The following MANF variants were observed in gnomAD, a reference collection of about 807,000 sequenced individuals.
MANF encodes mesencephalic astrocyte derived neurotrophic factor.
A neutral mutation model predicts 19.1 loss-of-function variants in MANF; 9 were observed. The observed-to-expected ratio is 0.47, with a 90% CI of 0.28 to 0.82. MANF has a LOEUF of 0.82. Ranked by LOEUF, MANF falls within the 40% of genes least tolerant of loss-of-function variation. MANF has a pLI of 0.10. For synonymous variants in MANF, 89 were observed against 88.0 expected (o/e 1.01, Z -0.06); for missense variants, 225 against 226.7 (o/e 0.99, Z 0.05).
intron 2 of MANF, chr3:51,386,979 A>C (rs2088968397): frequency 2.2e-6 from 1 of 456,590 alleles, no homozygotes. Flanking sequence ...TTAAGAGTCC[A>C]GGGTTTACAC....
chr3:51,385,859 A>G, intron 1 of MANF: 1 of 266,244 alleles, frequency 3.8e-6, no homozygotes, highest in South Asian at 1.0e-4. Context: ...CATTTTGATC[A>G]TTTTTCTCTT....
intron 1 of MANF, 157 bp from the exon 2 acceptor site, chr3:51,386,047 TTCTG>T: frequency 2.8e-6 from 2 of 705,898 alleles, no homozygotes; most frequent in Non-Finnish European, 4.6e-6. Context: ...TGGAACCGGG[TTCTG>T]TCTACCTGTA....
chr3:51,385,603 C>G (rs2088942790), intron 1 of MANF, 167 bp downstream of exon 1: 1 of 395,268 alleles, frequency 2.5e-6, no homozygotes, highest in African/African-American at 2.1e-5. Context: ...GGCGCCCGCC[C>G]TAGTAAATCT....
chr3:51,386,361 C>CTGG lies in MANF; in HGVS notation c.222+27_222+29dup, dbSNP rs1559453112. 4 of 1,612,778 alleles carry CTGG rather than the reference C, an allele frequency of 2.5e-6. No homozygotes were observed. In the South Asian group the frequency reaches 4.4e-5, roughly 18 times the overall value. On this transcript the variant is annotated intron_variant, in intron 2 of 3. Transcript: ENST00000528157. ...GTAAGTAGCTGGTGATCCTCCCCAA[C>CTGG]TGGCCCTGGCTCATGTTAACCCTCG...
chr3:51,387,245 A>C (rs2088971516), intron 2 of MANF, among the ~76,000 whole-genome samples: 1 of 152,222 alleles, frequency 6.6e-6, no homozygotes. Context: ...ACCTGAGGTC[A>C]GGAGTTCAAG....
intron 3 of MANF, 85 bp from the exon 4 acceptor site, chr3:51,388,820 C>A: frequency 9.5e-7 from 1 of 1,057,386 alleles, no homozygotes; most frequent in South Asian, 1.8e-5. Context: ...CTGGTTTGGC[C>A]GTTCAGGGAG....
chr3:51,388,019 C>A, intron 3 of MANF, 141 bp downstream of exon 3: 1 of 817,868 alleles, frequency 1.2e-6, no homozygotes, highest in Non-Finnish European at 1.9e-6. Flanking sequence ...AGGGCTCTGG[C>A]ATGGAAGTGG....
rs2110699385 is a variant in MANF, at chr3:51,385,409, C to T, written c.67C>T (p.Arg23Trp). ...ALALSVLPGS[R>W]ALRPGDCEVC... ...GGCTCTGAGCGTGCTGCCGGGCAGC[C>T]GGGCGCTGCGGCCGGGCGACTGCGA... Residue 23 changes from arginine to tryptophan, a missense_variant, in exon 1 of 4, where the codon CGG becomes TGG. Coordinates refer to ENST00000528157, the MANE Select transcript of MANF (RefSeq NM_006010.6). 1 of 1,237,216 alleles carries T rather than the reference C, an allele frequency of 8.1e-7. No individual in the cohort carries two copies. The highest frequency in any genetic ancestry group is 1.0e-6 in the Non-Finnish European group (1 of 989,248). The allele number at this position is 1,237,216 out of a possible 1,614,324, so 76.6% of individuals were successfully genotyped here.
At position 51,385,296 on chromosome 3, in the gene MANF, G is replaced by A; in HGVS notation, c.-47G>A. 8.5e-7 allele frequency: 1 copy of A among 1,180,648 alleles called. No individual in the cohort carries two copies. 73.1% of individuals were successfully genotyped at this position (1,180,648 alleles called of 1,614,324 possible). ...CGGCGCGGCGGGTGCGGTTCAGTCGGTCGGCGGCGGCAGCGGAGGAGGAGG... is the reference window on the plus strand; with the variant it reads ...CGGCGCGGCGGGTGCGGTTCAGTCGATCGGCGGCGGCAGCGGAGGAGGAGG... On this transcript the variant is annotated 5_prime_UTR_variant, in exon 1 of 4. Coordinates refer to ENST00000528157, the MANE Select transcript of MANF (RefSeq NM_006010.6).
intron 3 of MANF, among the ~76,000 whole-genome samples, chr3:51,388,686 G>A (rs1307603219): frequency 6.6e-6 from 1 of 152,228 alleles, no homozygotes; most frequent in Non-Finnish European, 1.5e-5. Flanking sequence ...CTGCATATCT[G>A]TAGTAGACAT....
intron 1 of MANF, 155 bp from the exon 2 acceptor site, chr3:51,386,053 C>T (rs1406570727): frequency 5.2e-6 from 4 of 762,360 alleles, no homozygotes; most frequent in Non-Finnish European, 8.3e-6. Context: ...CGGGTTCTGT[C>T]TACCTGTAGA....
In MANF at chr3:51,386,279, A is replaced by G. The variant is rs2088960838; in HGVS notation, c.166A>G (p.Ile56Val). Residue 56 changes from isoleucine (I) to valine (V), a missense_variant, in exon 2 of 4, where the codon ATT becomes GTT. By Grantham distance (29) the Ile-to-Val change is conservative. Transcript: ENST00000528157. ...DRDVTFSPATIENELIKFCRE... is the reference protein window; with the variant it reads ...DRDVTFSPATVENELIKFCRE... ...AGATGTCACATTCTCACCAGCCACT[A>G]TTGAAAACGAACTTATAAAGTTCTG... The G allele has an allele frequency of 1.2e-6, 2 of 1,613,806 alleles. No individual in the cohort carries two copies. Among genetic ancestry groups the G allele is most frequent in the African/African-American group, 1.3e-5 (1 of 74,918 alleles).
Position 51,385,370 on chromosome 3 carries a change from C to CTGGCGG in MANF, c.34_39dup (p.Val12_Ala13dup). ...GAGGAGGATGTGGGCCACGCAGGGG[C>CTGGCGG]TGGCGGTGGCGCTGGCTCTGAGCGT... is the stretch of plus-strand genomic sequence containing the variant. On this transcript the variant is annotated inframe_insertion, in exon 1 of 4. Coordinates refer to ENST00000528157, the MANE Select transcript of MANF (RefSeq NM_006010.6). The CTGGCGG allele has an allele frequency of 1.6e-6, 2 of 1,239,848 alleles. No homozygotes were observed. Among genetic ancestry groups the CTGGCGG allele is most frequent in the South Asian group, 4.0e-5 (1 of 25,082 alleles). 76.8% of individuals were successfully genotyped at this position (1,239,848 alleles called of 1,614,324 possible). A position where few individuals can be genotyped will look rare whatever the true frequency, so the allele number is the denominator to read the frequency against.
At chr3:51,387,906 A>G (rs781813745) in intron 3 of MANF, 28 bp downstream of exon 3, 5 of 1,610,260 alleles carry the variant, frequency 3.1e-6, no homozygotes, top group Non-Finnish European at 2.5e-6. Context: ...TTTCTTAATG[A>G]ATGCTGTGCA....
chr3:51,386,083 A>G, intron 1 of MANF, 125 bp from the exon 2 acceptor site: 1 of 1,075,564 alleles, frequency 9.3e-7, no homozygotes. Flanking sequence ...AAAATCGGTG[A>G]TGGAAAAGCT....
chr3:51,386,891 C>T (rs1410011928), intron 2 of MANF: 1 of 456,646 alleles, frequency 2.2e-6, no homozygotes, highest in Non-Finnish European at 4.4e-6. Flanking sequence ...CAGTCTCTGG[C>T]TTTTCTCTCT....
At position 51,389,133 on chromosome 3, in the gene MANF, A is replaced by C; in HGVS notation, c.*44A>C. On this transcript the variant is annotated 3_prime_UTR_variant, in exon 4 of 4. Coordinates refer to ENST00000528157, the MANE Select transcript of MANF (RefSeq NM_006010.6). ...CACCTGAGGGGGAAAAAACAGTTCA[A>C]CTGCTTACTCCCAAAACAGCCTTTT... The C allele has an allele frequency of 6.4e-7, 1 of 1,554,142 alleles. No homozygotes were observed.
In MANF at chr3:51,389,137, C is replaced by T; in HGVS notation, c.*48C>T. ...TGAGGGGGAAAAAACAGTTCAACTG[C>T]TTACTCCCAAAACAGCCTTTTTGTA... On this transcript the variant is annotated 3_prime_UTR_variant, in exon 4 of 4. Transcript: ENST00000528157. 6.5e-7 allele frequency: 1 copy of T among 1,537,224 alleles called. No individual in the cohort carries two copies. The highest frequency in any genetic ancestry group is 1.7e-4 in the Middle Eastern group (1 of 5,870).
At chr3:51,388,862 G>A (rs782641403) in intron 3 of MANF, 43 bp from the exon 4 acceptor site, 3 of 1,453,480 alleles carry the variant, frequency 2.1e-6, no homozygotes, top group Non-Finnish European at 2.8e-6. Context: ...GGGGACTGCA[G>A]GTGCTCCACC....
Sources: allele counts gnomAD v4.1 joint callset (sites outside exome capture counted in the v4.1 genomes callset), GRCh38; gene constraint gnomAD v4.1.1; transcripts MANE v1.5; gene names NCBI Gene and HGNC (gene_info 2026-07-23, HGNC 2026-07-21).